FAF1: variants seen among roughly 807,000 people sequenced by gnomAD.
The protein encoded by FAF1 is FAS-associated factor 1.
A neutral mutation model predicts 92.5 loss-of-function variants in FAF1; 25 were observed. The observed-to-expected ratio is 0.27, with a 90% CI of 0.20 to 0.38. The LOEUF (loss-of-function observed/expected upper bound fraction) is 0.38. Ranked by LOEUF, FAF1 falls within the 10% of genes least tolerant of loss-of-function variation. FAF1 has a pLI of 1.00. For missense variants in FAF1, 636 were observed against 793.3 expected (o/e 0.80, Z 2.38); for synonymous variants, 234 against 273.2 (o/e 0.86, Z 1.42).
chr1:50,575,903 G>C (rs1354246885), intron 12 of FAF1, among the ~76,000 whole-genome samples: 1 of 152,162 alleles, frequency 6.6e-6, no homozygotes, highest in Non-Finnish European at 1.5e-5. Context: ...ATGGCATTTA[G>C]ATTTCTTTCA....
At chr1:50,785,167 A>G (rs1661316561) in intron 4 of FAF1, among the ~76,000 whole-genome samples, 1 of 150,096 alleles carries the variant, frequency 6.7e-6, no homozygotes, top group Non-Finnish European at 1.5e-5. Context: ...ACTTGAAACT[A>G]TAAAACTTGT....
At chr1:50,457,865 CAAAAA>C (rs78520067) in intron 18 of FAF1, among the ~76,000 whole-genome samples, 2 of 59,448 alleles carry the variant, frequency 3.4e-5, no homozygotes, top group Non-Finnish European at 3.5e-5. Flanking sequence ...ACCCTGTCTC[CAAAAA>C]AAAAAAAAAA....
At chr1:50,689,981 TA>T (rs1396717456) in intron 7 of FAF1, among the ~76,000 whole-genome samples, 2 of 151,478 alleles carry the variant, frequency 1.3e-5, no homozygotes, top group African/African-American at 4.9e-5. Context: ...GTGTTTAAAT[TA>T]CATTATATTT....
intron 2 of FAF1, among the ~76,000 whole-genome samples, chr1:50,856,001 T>C (rs1644388222): frequency 6.6e-6 from 1 of 151,874 alleles, no homozygotes; most frequent in South Asian, 2.1e-4. Context: ...CAACATTATC[T>C]GGGAAAATTC....
At chr1:50,717,694 G>A (rs1173545507) in intron 6 of FAF1, among the ~76,000 whole-genome samples, 2 of 152,082 alleles carry the variant, frequency 1.3e-5, no homozygotes, top group Non-Finnish European at 2.9e-5. Flanking sequence ...GTCAAAACTC[G>A]TATAACTCAG....
intron 6 of FAF1, among the ~76,000 whole-genome samples, chr1:50,733,443 A>AG: frequency 6.6e-6 from 1 of 152,264 alleles, no homozygotes; most frequent in Non-Finnish European, 1.5e-5. Flanking sequence ...TATGAACTGA[A>AG]TTGTGTCCCC....
intron 4 of FAF1, among the ~76,000 whole-genome samples, chr1:50,746,150 G>A (rs1056458231): frequency 6.7e-6 from 1 of 149,576 alleles, no homozygotes; most frequent in Admixed American, 6.7e-5. Context: ...ATAACTGGAG[G>A]AAGAAATTTC....
At chr1:50,471,245 A>G (rs2148996541) in intron 18 of FAF1, 1 of 152,304 alleles carries the variant, frequency 6.6e-6, no homozygotes, top group South Asian at 2.1e-4. Context: ...TCAGACTGTA[A>G]ATTCTACAAG....
At chr1:50,820,702 T>C (rs1644035455) in intron 2 of FAF1, among the ~76,000 whole-genome samples, 1 of 152,202 alleles carries the variant, frequency 6.6e-6, no homozygotes, top group African/African-American at 2.4e-5. Flanking sequence ...TTGCTATGAG[T>C]TTGACACTTT....
intron 4 of FAF1, among the ~76,000 whole-genome samples, chr1:50,751,939 C>T (rs536469815): frequency 6.8e-4 from 104 of 152,240 alleles, no homozygotes; most frequent in Non-Finnish European, 4.0e-4. Flanking sequence ...AGCCATCTAG[C>T]GTTTCAGGTT....
chr1:50,902,846 T>C (rs966399335), intron 1 of FAF1, among the ~76,000 whole-genome samples: 2 of 152,172 alleles, frequency 1.3e-5, no homozygotes, highest in Admixed American at 6.5e-5. Flanking sequence ...CTCCCGAATA[T>C]TTTCAATTTG....
intron 1 of FAF1, among the ~76,000 whole-genome samples, chr1:50,933,424 A>C (rs913144675): frequency 6.6e-6 from 1 of 152,210 alleles, no homozygotes; most frequent in African/African-American, 2.4e-5. Context: ...TCTTTGCTTA[A>C]AACATAACAA....
chr1:50,859,180 G>T (rs1557562206), intron 1 of FAF1, among the ~76,000 whole-genome samples: 1 of 151,864 alleles, frequency 6.6e-6, no homozygotes, highest in Non-Finnish European at 1.5e-5. Context: ...AAAACTGGAA[G>T]CATTCCTCTT....
chr1:50,931,660 G>A (rs932684512), intron 1 of FAF1, among the ~76,000 whole-genome samples: 1 of 151,982 alleles, frequency 6.6e-6, no homozygotes, highest in Admixed American at 6.6e-5. Context: ...GAGATCAGCA[G>A]GTTGAGACCA....
At chr1:50,653,198 C>A (rs2124287461) in intron 8 of FAF1, among the ~76,000 whole-genome samples, 1 of 151,498 alleles carries the variant, frequency 6.6e-6, no homozygotes, top group South Asian at 2.1e-4. Context: ...ACAAGAAAAC[C>A]ACAAACACAT....
intron 2 of FAF1, among the ~76,000 whole-genome samples, chr1:50,837,145 G>C (rs1644214861): frequency 6.6e-6 from 1 of 151,872 alleles, no homozygotes; most frequent in African/African-American, 2.4e-5. Context: ...TTTTAGTAAA[G>C]ATGGGTTTCA....
At chr1:50,553,143 A>C (rs752814854) in intron 13 of FAF1, among the ~76,000 whole-genome samples, 2 of 152,212 alleles carry the variant, frequency 1.3e-5, no homozygotes, top group Non-Finnish European at 2.9e-5. Flanking sequence ...GGTGAGAGAA[A>C]GGTCAATAGA....
At chr1:50,842,670 T>C (rs1342981334) in intron 2 of FAF1, among the ~76,000 whole-genome samples, 2 of 152,086 alleles carry the variant, frequency 1.3e-5, no homozygotes, top group Non-Finnish European at 2.9e-5. Context: ...GTGTTTGCTT[T>C]TCCTTCTGTT....
chr1:50,885,996 C>A (rs1346470736), intron 1 of FAF1, among the ~76,000 whole-genome samples: 2 of 152,124 alleles, frequency 1.3e-5, no homozygotes, highest in Non-Finnish European at 2.9e-5. Context: ...CATCAGCCCC[C>A]CTCTTTTTAA....
Sources: gnomAD v4.1 joint callset for allele counts (sites outside exome capture counted in the v4.1 genomes callset) on GRCh38, gnomAD v4.1.1 for gene constraint, MANE v1.5 for transcripts, NCBI Gene and HGNC (gene_info 2026-07-23, HGNC 2026-07-21) for gene names.